NELL1: variants seen among roughly 807,000 people sequenced by gnomAD.
The protein encoded by NELL1 is protein kinase C-binding protein NELL1.
Under a neutral mutation model 107.4 loss-of-function variants are expected in NELL1, and 76 were observed. That is an observed-to-expected ratio of 0.71 (90% CI 0.59 to 0.86). The LOEUF is 0.86. Ranked by LOEUF, NELL1 falls within the 40% of genes least tolerant of loss-of-function variation. The pLI, the probability that NELL1 is intolerant of heterozygous loss-of-function variation, is 0.00. For synonymous variants in NELL1, 353 were observed against 341.2 expected, an observed-to-expected ratio of 1.03 and a Z score of -0.38; for missense variants, 1,024 against 1,005.5, an observed-to-expected ratio of 1.02 and a Z score of -0.25.
intron 15 of NELL1, among the ~76,000 whole-genome samples, chr11:21,451,060 G>A (rs2133857848): frequency 6.6e-6 from 1 of 151,790 alleles, no homozygotes; most frequent in African/African-American, 2.4e-5. Context: ...GATGGTGGGC[G>A]CCTGTAGTCC....
chr11:20,750,090 C>G (rs1226242363), intron 2 of NELL1, among the ~76,000 whole-genome samples: 1 of 152,122 alleles, frequency 6.6e-6, no homozygotes, highest in Non-Finnish European at 1.5e-5. Flanking sequence ...GCTATATTCT[C>G]CAACATTCAG....
intron 14 of NELL1, among the ~76,000 whole-genome samples, chr11:21,324,115 T>G (rs1055468827): frequency 3.3e-5 from 5 of 152,168 alleles, no homozygotes; most frequent in African/African-American, 9.7e-5. Context: ...CCAGTCATGG[T>G]GCTGGATACT....
At chr11:21,143,135 A>G (rs571539753) in intron 13 of NELL1, among the ~76,000 whole-genome samples, 211 of 152,298 alleles carry the variant, frequency 1.4e-3, no homozygotes, top group Non-Finnish European at 2.6e-3. Context: ...TTACACCTTT[A>G]CTAGTTGCCT....
Position 21,370,919 on chromosome 11 carries a change from C to T in NELL1, c.1616C>T (p.Ser539Phe). The T allele has an allele frequency of 6.2e-7, 1 of 1,611,456 alleles. No individual in the cohort carries two copies. Among genetic ancestry groups the T allele is most frequent in the South Asian group, 1.1e-5 (1 of 90,676 alleles). Residue 539 changes from serine to phenylalanine, a missense_variant, in exon 15 of 20, where the codon TCT becomes TTT. By Grantham distance (155) the Ser-to-Phe change is radical. Transcript: ENST00000357134. ...GCTCCCAACAAATGTGTCTGTCCAT[C>T]TGGATTCACAGGAAGCCACTGCGAG... ...CVAPNKCVCP[S>F]GFTGSHCEKD...
intron 15 of NELL1, chr11:21,503,958 A>C (rs905568725): frequency 6.6e-6 from 1 of 152,114 alleles, no homozygotes; most frequent in Admixed American, 6.6e-5. Flanking sequence ...TCACTGGGAG[A>C]AACCTATTGC....
chr11:21,098,336 A>G (rs1242486039), intron 12 of NELL1, among the ~76,000 whole-genome samples: 1 of 152,160 alleles, frequency 6.6e-6, no homozygotes, highest in African/African-American at 2.4e-5. Flanking sequence ...CATATTTCGT[A>G]CATGTCAGGG....
chr11:20,706,676 TAAAA>T (rs563903156), intron 2 of NELL1, among the ~76,000 whole-genome samples: 2 of 147,260 alleles, frequency 1.4e-5, no homozygotes, highest in East Asian at 2.0e-4. Flanking sequence ...AATAACAAAA[TAAAA>T]AAAAAAGGAA....
intron 14 of NELL1, among the ~76,000 whole-genome samples, chr11:21,333,482 C>T (rs1349818583): frequency 2.0e-5 from 3 of 151,976 alleles, no homozygotes; most frequent in African/African-American, 7.2e-5. Context: ...TATGATCTAG[C>T]CTTTGCTTTC....
intron 12 of NELL1, among the ~76,000 whole-genome samples, chr11:21,109,833 T>C (rs1253019561): frequency 1.3e-5 from 2 of 152,154 alleles, no homozygotes; most frequent in African/African-American, 4.8e-5. Flanking sequence ...AATTCCTTTT[T>C]TACTCCGTTT....
chr11:20,928,452 G>C lies in NELL1; in HGVS notation c.970G>C (p.Ala324Pro). 1 of 1,613,994 alleles carries C rather than the reference G, an allele frequency of 6.2e-7. No individual in the cohort carries two copies. The highest frequency in any genetic ancestry group is 8.5e-7 in the Non-Finnish European group (1 of 1,179,916). Reference sequence around the variant, plus strand: ...CCCAGACTCCCTCCCAGTGCACATTGCTGGCCAGTGCTGTAAGGTCTGCCG... The same window carrying C: ...CCCAGACTCCCTCCCAGTGCACATTCCTGGCCAGTGCTGTAAGGTCTGCCG... ...CSPDSLPVHI[A>P]GQCCKVCRPK... Residue 324 changes from alanine to proline, a missense_variant, in exon 9 of 20, where the codon GCT (alanine) becomes CCT (proline). Transcript: ENST00000357134.
intron 13 of NELL1, among the ~76,000 whole-genome samples, chr11:21,158,752 C>A (rs774777919): frequency 6.6e-6 from 1 of 152,130 alleles, no homozygotes; most frequent in Non-Finnish European, 1.5e-5. Context: ...AGTGGGCAAG[C>A]AGTTTTATTT....
At chr11:21,463,641 G>A (rs1176203973) in intron 15 of NELL1, among the ~76,000 whole-genome samples, 1 of 152,040 alleles carries the variant, frequency 6.6e-6, no homozygotes, top group Middle Eastern at 3.2e-3. Context: ...GTCACTGAGA[G>A]GGTACCTAAT....
At chr11:21,071,807 G>C (rs1391231063) in intron 12 of NELL1, among the ~76,000 whole-genome samples, 1 of 152,128 alleles carries the variant, frequency 6.6e-6, no homozygotes, top group Non-Finnish European at 1.5e-5. Context: ...TGGCTGAATA[G>C]GTGTCTTAAT....
At chr11:21,270,948 A>G (rs1848727123) in intron 14 of NELL1, among the ~76,000 whole-genome samples, 1 of 152,164 alleles carries the variant, frequency 6.6e-6, no homozygotes, top group South Asian at 2.1e-4. Context: ...AAATCTCAAA[A>G]GAAATTAAAA....
intron 14 of NELL1, among the ~76,000 whole-genome samples, chr11:21,275,045 A>AG (rs1848824032): frequency 6.6e-6 from 1 of 152,210 alleles, no homozygotes; most frequent in African/African-American, 2.4e-5. Flanking sequence ...GAAATAACTA[A>AG]GATCAGAGCA....
At chr11:21,468,731 T>TG (rs1426867270) in intron 15 of NELL1, among the ~76,000 whole-genome samples, 3 of 152,038 alleles carry the variant, frequency 2.0e-5, no homozygotes, top group Non-Finnish European at 2.9e-5. Flanking sequence ...GGGAAGTGGA[T>TG]GGGGTGTAGA....
chr11:21,487,285 G>A (rs1221134544), intron 15 of NELL1, among the ~76,000 whole-genome samples: 1 of 152,148 alleles, frequency 6.6e-6, no homozygotes, highest in East Asian at 1.9e-4. Flanking sequence ...GCACAATGCA[G>A]GAGAGAATGA....
chr11:20,719,202 C>T (rs956320912), intron 2 of NELL1, among the ~76,000 whole-genome samples: 2 of 152,182 alleles, frequency 1.3e-5, no homozygotes, highest in African/African-American at 2.4e-5. Context: ...TGAGAAAATA[C>T]ACTCTCTTCT....
At chr11:21,087,210 T>G (rs560119533) in intron 12 of NELL1, among the ~76,000 whole-genome samples, 2 of 152,182 alleles carry the variant, frequency 1.3e-5, no homozygotes, top group African/African-American at 4.8e-5. Flanking sequence ...AATGTTCCTT[T>G]TATTTCATTG....
Sources: allele counts gnomAD v4.1 joint callset (sites outside exome capture counted in the v4.1 genomes callset), GRCh38; gene constraint gnomAD v4.1.1; transcripts MANE v1.5; gene names NCBI Gene and HGNC (gene_info 2026-07-23, HGNC 2026-07-21).